The following MACROD2 variants were observed in gnomAD, a reference collection of about 807,000 sequenced individuals.
MACROD2 encodes the protein mono-ADP ribosylhydrolase 2.
MACROD2 carries 36 observed loss-of-function variants against 70.4 expected under a neutral mutation model. That is an observed-to-expected ratio of 0.51 (90% CI 0.39 to 0.68). The LOEUF (loss-of-function observed/expected upper bound fraction) is 0.68. Among genes scored for constraint, MACROD2 ranks in the 30% least tolerant of loss-of-function variants. The pLI, the probability that MACROD2 is intolerant of heterozygous loss-of-function variation, is 0.00. For missense variants in MACROD2, 496 were observed against 538.4 expected, an observed-to-expected ratio of 0.92 and a Z score of 0.78; for synonymous variants, 172 against 178.8, an observed-to-expected ratio of 0.96 and a Z score of 0.30.
chr20:15,530,589 G>T (rs574790899), intron 8 of MACROD2, among the ~76,000 whole-genome samples: 54 of 151,842 alleles, frequency 3.6e-4, no homozygotes, highest in Non-Finnish European at 6.9e-4. Flanking sequence ...AAAATTAGCC[G>T]GGCGTAGTGG....
At chr20:14,990,248 C>A (rs897516912) in intron 5 of MACROD2, among the ~76,000 whole-genome samples, 20 of 152,004 alleles carry the variant, frequency 1.3e-4, no homozygotes, top group African/African-American at 4.3e-4. Context: ...GGGAGATACA[C>A]AATAGATAAA....
intron 5 of MACROD2, among the ~76,000 whole-genome samples, chr20:14,702,324 G>A (rs1308765510): frequency 6.6e-6 from 1 of 150,912 alleles, no homozygotes; most frequent in African/African-American, 2.4e-5. Flanking sequence ...CTTCTTTTCA[G>A]TCTCATTCTT....
intron 4 of MACROD2, among the ~76,000 whole-genome samples, chr20:14,573,679 A>G (rs1168659871): frequency 2.0e-5 from 3 of 152,098 alleles, no homozygotes; most frequent in East Asian, 1.9e-4. Context: ...ACTTAGTGCT[A>G]TACTGCCATC....
chr20:15,698,126 G>C (rs1418927477), intron 8 of MACROD2, among the ~76,000 whole-genome samples: 1 of 151,852 alleles, frequency 6.6e-6, no homozygotes, highest in African/African-American at 2.4e-5. Context: ...CTTTGGTTTT[G>C]TTTTTTGTTT....
At chr20:15,314,075 A>G (rs1208577104) in intron 6 of MACROD2, among the ~76,000 whole-genome samples, 1 of 152,158 alleles carries the variant, frequency 6.6e-6, no homozygotes, top group Non-Finnish European at 1.5e-5. Flanking sequence ...GTAAAATATC[A>G]TTAGGACCAG....
intron 14 of MACROD2, 113 bp from the exon 15 acceptor site, chr20:15,986,953 T>C (rs2066493066): frequency 8.9e-7 from 1 of 1,128,706 alleles, no homozygotes; most frequent in Admixed American, 2.2e-5. Flanking sequence ...GTGTACCTAT[T>C]GAAACTTGAA....
chr20:15,604,113 A>T (rs1397688451), intron 8 of MACROD2, among the ~76,000 whole-genome samples: 2 of 152,136 alleles, frequency 1.3e-5, no homozygotes, highest in African/African-American at 4.8e-5. Context: ...GGCACCTTAG[A>T]TCCACTGTGG....
chr20:14,641,329 A>G (rs977370365), intron 4 of MACROD2, among the ~76,000 whole-genome samples: 1 of 152,162 alleles, frequency 6.6e-6, no homozygotes, highest in South Asian at 2.1e-4. Flanking sequence ...TCCTCCACTG[A>G]AGTGTTTGAA....
intron 10 of MACROD2, among the ~76,000 whole-genome samples, chr20:15,917,755 G>A (rs1186404366): frequency 1.3e-5 from 2 of 151,636 alleles, no homozygotes; most frequent in African/African-American, 4.9e-5. Flanking sequence ...TTTTACCAGG[G>A]CATTAGTAAG....
At chr20:14,586,984 A>G (rs1376760641) in intron 4 of MACROD2, among the ~76,000 whole-genome samples, 3 of 151,930 alleles carry the variant, frequency 2.0e-5, no homozygotes, top group Non-Finnish European at 2.9e-5. Context: ...AAGTTTCAAA[A>G]TGTATTATTT....
Position 15,546,822 on chromosome 20 carries a change from A to G in MACROD2, c.645+46975A>G, listed in dbSNP as rs138210584. ...CCACGTGACGCTTGACATCTGATTC[A>G]TATATCACTCAGCCTGAAGGCATAT... On this transcript the variant is annotated intron_variant, in intron 8 of 17. Transcript: ENST00000684519. Among the ~76,000 whole-genome samples, 1,426 of 152,294 alleles carry G rather than the reference A, an allele frequency of 9.4e-3. 12 individuals are homozygous for G. Among genetic ancestry groups the G allele is most frequent in the Middle Eastern group, 0.014 (4 of 294 alleles).
chr20:14,461,796 G>T (rs1415777713), intron 3 of MACROD2, among the ~76,000 whole-genome samples: 2 of 151,794 alleles, frequency 1.3e-5, no homozygotes, highest in African/African-American at 2.4e-5. Context: ...GAGAATGAGG[G>T]TTTCCAGCTT....
intron 8 of MACROD2, among the ~76,000 whole-genome samples, chr20:15,541,846 A>G (rs2047960876): frequency 6.6e-6 from 1 of 152,198 alleles, no homozygotes; most frequent in Non-Finnish European, 1.5e-5. Flanking sequence ...CCATAACTCC[A>G]TGTAGCATAC....
chr20:15,634,116 G>A (rs2049331095), intron 8 of MACROD2, among the ~76,000 whole-genome samples: 1 of 152,284 alleles, frequency 6.6e-6, no homozygotes, highest in African/African-American at 2.4e-5. Context: ...GAAAACAAAC[G>A]ATGAGCATAC....
chr20:15,150,568 G>A (rs1199030031), intron 5 of MACROD2, among the ~76,000 whole-genome samples: 7 of 151,952 alleles, frequency 4.6e-5, no homozygotes, highest in African/African-American at 7.3e-5. Context: ...TGTGGGATGG[G>A]GTATTGGCAT....
intron 8 of MACROD2, among the ~76,000 whole-genome samples, chr20:15,700,827 T>C (rs542050058): frequency 6.6e-6 from 1 of 152,226 alleles, no homozygotes; most frequent in Non-Finnish European, 1.5e-5. Flanking sequence ...CCAAATACTA[T>C]CTTATATATG....
At chr20:14,427,493 G>A (rs2083946594) in intron 3 of MACROD2, among the ~76,000 whole-genome samples, 2 of 150,030 alleles carry the variant, frequency 1.3e-5, no homozygotes, top group Non-Finnish European at 3.0e-5. Flanking sequence ...AATATATCTA[G>A]TATCAAATAT....
chr20:14,917,702 C>T (rs6110466), intron 5 of MACROD2, among the ~76,000 whole-genome samples: 2,881 of 152,096 alleles, frequency 0.019, 104 homozygotes, highest in African/African-American at 0.066. Context: ...CAGACATCCA[C>T]GAAACCCAAA....
intron 5 of MACROD2, among the ~76,000 whole-genome samples, chr20:14,916,622 T>G (rs1600818473): frequency 6.6e-6 from 1 of 152,170 alleles, no homozygotes; most frequent in East Asian, 1.9e-4. Context: ...TGTGAGTGCA[T>G]AGATGATAAA....
Sources: allele counts gnomAD v4.1 joint callset (sites outside exome capture counted in the v4.1 genomes callset), GRCh38; gene constraint gnomAD v4.1.1; transcripts MANE v1.5; gene names NCBI Gene and HGNC (gene_info 2026-07-23, HGNC 2026-07-21).